CCDC201: variants seen among roughly 807,000 people sequenced by gnomAD.
CCDC201 encodes coiled-coil domain containing 201.
exon 3 of CCDC201, chr7:45,862,135 A>T (rs1786610853): frequency 6.6e-6 from 1 of 152,212 alleles, no homozygotes; most frequent in South Asian, 2.1e-4. Context: ...GGCCCATGTA[A>T]CTGTTAAAGG....
upstream of CCDC201, among the ~76,000 whole-genome samples, chr7:45,875,072 G>A (rs1786785129): frequency 6.6e-6 from 1 of 152,224 alleles, no homozygotes; most frequent in Non-Finnish European, 1.5e-5. Flanking sequence ...CAGCCAGTAT[G>A]TGAGTATGAA....
chr7:45,880,374 G>A, the CCDC201 span, among the ~76,000 whole-genome samples: 1 of 152,256 alleles, frequency 6.6e-6, no homozygotes, highest in Non-Finnish European at 1.5e-5. Context: ...ACATGCTGTG[G>A]TTTTCATAAA....
intron 1 of CCDC201, among the ~76,000 whole-genome samples, chr7:45,867,110 C>T (rs1786686566): frequency 6.6e-6 from 1 of 152,232 alleles, no homozygotes; most frequent in Admixed American, 6.5e-5. Flanking sequence ...ATGAACTATA[C>T]CCGGCAAGCA....
intron 1 of CCDC201, among the ~76,000 whole-genome samples, chr7:45,872,474 T>C (rs1192471366): frequency 3.3e-5 from 5 of 152,316 alleles, no homozygotes; most frequent in African/African-American, 4.8e-5. Flanking sequence ...CTTGGTGGCC[T>C]GGCTTTCCCT....
chr7:45,883,093 G>A, the CCDC201 span, among the ~76,000 whole-genome samples: 9 of 152,192 alleles, frequency 5.9e-5, no homozygotes, highest in Non-Finnish European at 1.3e-4. Context: ...TATAGTAAAC[G>A]TTTATGAAAC....
intron 1 of CCDC201, among the ~76,000 whole-genome samples, chr7:45,866,957 A>G (rs1397316859): frequency 6.6e-6 from 1 of 152,224 alleles, no homozygotes; most frequent in East Asian, 1.9e-4. Flanking sequence ...GGCTTGCAGT[A>G]GGTGCTGTGT....
At chr7:45,861,632 A>T (rs1220548120) in exon 3 of CCDC201, 2 of 152,188 alleles carry the variant, frequency 1.3e-5, no homozygotes. Context: ...GCAGATCTAA[A>T]CTTTTCACCT....
At chr7:45,871,620 G>T (rs1195138368) in intron 1 of CCDC201, among the ~76,000 whole-genome samples, 1 of 151,994 alleles carries the variant, frequency 6.6e-6, no homozygotes, top group Non-Finnish European at 1.5e-5. Flanking sequence ...AAAAAGGAAA[G>T]AAAAAAGATA....
At chr7:45,877,410 G>A (rs759216778), upstream of CCDC201, among the ~76,000 whole-genome samples, 1 of 152,182 alleles carries the variant, frequency 6.6e-6, no homozygotes, top group Non-Finnish European at 1.5e-5. Context: ...AAACTATTGT[G>A]TTAGTCTGTT....
exon 3 of CCDC201, chr7:45,861,140 A>G (rs1401814006): frequency 2.6e-5 from 4 of 152,170 alleles, no homozygotes; most frequent in African/African-American, 4.8e-5. Flanking sequence ...ACATAACTAC[A>G]TGCCTGAATC....
At chr7:45,882,603 G>A in the CCDC201 span, among the ~76,000 whole-genome samples, 1 of 152,226 alleles carries the variant, frequency 6.6e-6, no homozygotes, top group Non-Finnish European at 1.5e-5. Flanking sequence ...GAAAAAGACA[G>A]ATGTGTTCTG....
intron 1 of CCDC201, among the ~76,000 whole-genome samples, chr7:45,867,001 G>A (rs1786685700): frequency 6.6e-6 from 1 of 152,190 alleles, no homozygotes; most frequent in African/African-American, 2.4e-5. Context: ...CCAAGCCCCA[G>A]GATGGACTGT....
chr7:45,864,165 A>G (rs1217538696), intron 2 of CCDC201, among the ~76,000 whole-genome samples: 5 of 152,160 alleles, frequency 3.3e-5, no homozygotes, highest in Admixed American at 6.5e-5. Flanking sequence ...TGTGTGGCGC[A>G]GGCACTGCCT....
chr7:45,882,057 G>GC, the CCDC201 span, among the ~76,000 whole-genome samples: 2 of 151,938 alleles, frequency 1.3e-5, no homozygotes, highest in Non-Finnish European at 2.9e-5. Flanking sequence ...ACATCACTTT[G>GC]TTTTTTTTCC....
rs1786730713 is a variant in CCDC201 at position 45,870,343 on chromosome 7, T to G, written c.18+2647A>C. On this transcript the variant is annotated intron_variant, in intron 1 of 2. Transcript: ENST00000636578. ...CTGAAAGAACTAGAAGCCAAATATA[T>G]TTGTCATGTTAATAAAGGCAAACAA... Among the ~76,000 whole-genome samples, 3 of 152,176 alleles carry G rather than the reference T, an allele frequency of 2.0e-5. No homozygotes were observed. In the South Asian group the frequency reaches 6.2e-4, roughly 31 times the overall value.
exon 2 of CCDC201, chr7:45,866,416 G>C (rs1000711413): frequency 6.6e-6 from 1 of 152,388 alleles, no homozygotes; most frequent in Non-Finnish European, 1.5e-5. Context: ...GGGGTGCTGT[G>C]TTTCAGGGGC....
chr7:45,865,679 C>A lies in CCDC201; in HGVS notation c.477+357G>T, dbSNP rs1786660461. ...ACCCAGACTCCTGTGAGCTAAAGAG[C>A]AATGACAAAGCAGCCAGCCAGCGGC... On this transcript the variant is annotated intron_variant, in intron 2 of 2. Coordinates refer to ENST00000636578, the Ensembl canonical transcript of CCDC201. Among the ~76,000 whole-genome samples, 4 of 152,326 alleles carry A rather than the reference C, an allele frequency of 2.6e-5. No individual in the cohort carries two copies. The South Asian group carries it at 8.3e-4, about 32-fold the overall frequency.
intron 1 of CCDC201, 110 bp downstream of exon 1, chr7:45,872,880 A>G (rs1479813266): frequency 6.5e-6 from 1 of 152,890 alleles, no homozygotes; most frequent in Non-Finnish European, 1.5e-5. Flanking sequence ...GCCAGTCCTC[A>G]ACCAACCTCT....
exon 3 of CCDC201, chr7:45,860,189 C>T (rs1320785892): frequency 6.6e-6 from 1 of 152,260 alleles, no homozygotes; most frequent in Non-Finnish European, 1.5e-5. Context: ...TTACAAAGAA[C>T]CTTCTTAAGC....
Sources: gnomAD v4.1 joint callset for allele counts (sites outside exome capture counted in the v4.1 genomes callset) on GRCh38, gnomAD v4.1.1 for gene constraint, MANE v1.5 for transcripts, NCBI Gene and HGNC (gene_info 2026-07-23, HGNC 2026-07-21) for gene names.